Variants in ITPR2 observed in about 807,000 individuals in gnomAD.
ITPR2 encodes inositol 1,4,5-trisphosphate-gated calcium channel ITPR2.
A neutral mutation model predicts 317.1 loss-of-function variants in ITPR2; 207 were observed. That is an observed-to-expected ratio of 0.65 (90% confidence interval 0.58 to 0.73). The LOEUF is 0.73. Ranked by LOEUF, ITPR2 falls within the 30% of genes least tolerant of loss-of-function variation. ITPR2 has a pLI of 0.00. For missense variants in ITPR2, 2,613 were observed against 3,284.0 expected (o/e 0.80, Z 4.99); for synonymous variants, 1,156 against 1,149.1 (o/e 1.01, Z -0.12).
intron 24 of ITPR2, among the ~76,000 whole-genome samples, chr12:26,622,937 C>G (rs1349927174): frequency 2.0e-5 from 3 of 152,180 alleles, no homozygotes; most frequent in African/African-American, 7.2e-5. Flanking sequence ...AAATCATATA[C>G]TGGTTCATTT....
chr12:26,398,052 G>T (rs1940053510), intron 54 of ITPR2, among the ~76,000 whole-genome samples: 1 of 142,836 alleles, frequency 7.0e-6, no homozygotes, highest in Admixed American at 7.1e-5. Context: ...GAAGGGGAGG[G>T]GAGTGGTGTG....
chr12:26,754,479 A>G (rs1448255193), intron 2 of ITPR2, among the ~76,000 whole-genome samples: 1 of 152,252 alleles, frequency 6.6e-6, no homozygotes, highest in Admixed American at 6.5e-5. Context: ...AAAAGTTGCT[A>G]AGAGTTAACA....
chr12:26,487,923 C>T (rs1209847053), intron 39 of ITPR2, among the ~76,000 whole-genome samples: 1 of 152,046 alleles, frequency 6.6e-6, no homozygotes, highest in Non-Finnish European at 1.5e-5. Context: ...GACAAATCCA[C>T]CTTAAAATAA....
chr12:26,368,040 A>C (rs903435699), intron 55 of ITPR2, among the ~76,000 whole-genome samples: 2 of 152,212 alleles, frequency 1.3e-5, no homozygotes, highest in African/African-American at 4.8e-5. Flanking sequence ...TCTGCAAAGT[A>C]GTTTATTTGA....
intron 45 of ITPR2, among the ~76,000 whole-genome samples, chr12:26,447,911 A>C (rs982873534): frequency 6.6e-6 from 1 of 151,820 alleles, no homozygotes; most frequent in Non-Finnish European, 1.5e-5. Flanking sequence ...CTGCCAACCA[A>C]AGATATTCGA....
chr12:26,507,853 C>G (rs1274236025), intron 37 of ITPR2, among the ~76,000 whole-genome samples: 5 of 107,436 alleles, frequency 4.7e-5, no homozygotes, highest in Non-Finnish European at 8.9e-5. Flanking sequence ...CTACTCTTCT[C>G]TCTCTGTCTC....
chr12:26,728,991 G>T (rs1189125442), intron 2 of ITPR2, among the ~76,000 whole-genome samples: 1 of 152,122 alleles, frequency 6.6e-6, no homozygotes, highest in Non-Finnish European at 1.5e-5. Context: ...CCATTCTGTA[G>T]GTTGTCTGTT....
intron 1 of ITPR2, among the ~76,000 whole-genome samples, chr12:26,814,742 G>A (rs1042734178): frequency 2.0e-5 from 3 of 152,116 alleles, no homozygotes; most frequent in African/African-American, 7.2e-5. Context: ...CCAATAAACA[G>A]TAAAATCTCC....
At chr12:26,458,402 T>G (rs566066152) in intron 45 of ITPR2, among the ~76,000 whole-genome samples, 1 of 152,070 alleles carries the variant, frequency 6.6e-6, no homozygotes, top group African/African-American at 2.4e-5. Flanking sequence ...CCCTGCAACA[T>G]AGCACACTCA....
chr12:26,656,113 T>G (rs1947363259), intron 19 of ITPR2, among the ~76,000 whole-genome samples, 184 bp downstream of exon 19: 1 of 152,194 alleles, frequency 6.6e-6, no homozygotes, highest in Non-Finnish European at 1.5e-5. Flanking sequence ...GAAAGTGCCT[T>G]TATTACCACT....
At chr12:26,832,101 C>T (rs1260082944) in intron 1 of ITPR2, among the ~76,000 whole-genome samples, 2 of 152,040 alleles carry the variant, frequency 1.3e-5, no homozygotes, top group South Asian at 4.1e-4. Flanking sequence ...GCAGATGCCC[C>T]TAGGGCTGCC....
chr12:26,667,890 G>A, intron 13 of ITPR2, among the ~76,000 whole-genome samples: 1 of 138,430 alleles, frequency 7.2e-6, no homozygotes, highest in Non-Finnish European at 1.6e-5. Flanking sequence ...GAATGATGAC[G>A]ACGAACATTA....
In ITPR2 at chr12:26,696,221, T is replaced by C. The variant is rs796936308; in HGVS notation, c.952-571A>G. Reference sequence around the variant, plus strand: ...AAAGATGAGTTCTGGATGTGCTGAGTACAGACCCTTGCATCATCTGGCTGG... The same window carrying C: ...AAAGATGAGTTCTGGATGTGCTGAGCACAGACCCTTGCATCATCTGGCTGG... On this transcript the variant is annotated intron_variant, in intron 9 of 56. Transcript: ENST00000381340. Among the ~76,000 whole-genome samples the C allele has an allele frequency of 1.8e-4, 27 of 152,228 alleles. 1 individual carries two copies. The highest frequency in any genetic ancestry group is 6.5e-4 in the African/African-American group (27 of 41,544).
intron 4 of ITPR2, among the ~76,000 whole-genome samples, chr12:26,723,985 T>C (rs961344073): frequency 1.1e-4 from 16 of 152,190 alleles, no homozygotes; most frequent in Non-Finnish European, 1.8e-4. Context: ...CTTTACAACA[T>C]GGTTTTTATA....
chr12:26,718,711 G>A (rs1948784599), intron 5 of ITPR2, among the ~76,000 whole-genome samples: 1 of 151,982 alleles, frequency 6.6e-6, no homozygotes, highest in South Asian at 2.1e-4. Flanking sequence ...CCAGGTTCAA[G>A]CGATTCTCTT....
intron 35 of ITPR2, among the ~76,000 whole-genome samples, chr12:26,557,564 A>G (rs1320394796): frequency 6.6e-6 from 1 of 152,178 alleles, no homozygotes; most frequent in Non-Finnish European, 1.5e-5. Context: ...GAAATCTGAG[A>G]CAGCCCTCGT....
At chr12:26,557,456 C>A (rs1944694175) in intron 35 of ITPR2, among the ~76,000 whole-genome samples, 1 of 152,194 alleles carries the variant, frequency 6.6e-6, no homozygotes, top group African/African-American at 2.4e-5. Context: ...AATGAGACAT[C>A]AGGTGAAGTC....
intron 23 of ITPR2, among the ~76,000 whole-genome samples, chr12:26,624,785 A>AC (rs1490925119): frequency 1.3e-5 from 2 of 152,064 alleles, no homozygotes; most frequent in African/African-American, 4.8e-5. Context: ...TCAAAAAAAA[A>AC]AAAAAACTAA....
chr12:26,379,205 T>C (rs1939432168), intron 55 of ITPR2, among the ~76,000 whole-genome samples: 1 of 152,182 alleles, frequency 6.6e-6, no homozygotes, highest in African/African-American at 2.4e-5. Context: ...ATGTGTACAA[T>C]GGGGATAATA....
Sources: allele counts gnomAD v4.1 joint callset (sites outside exome capture counted in the v4.1 genomes callset), GRCh38; gene constraint gnomAD v4.1.1; transcripts MANE v1.5; gene names NCBI Gene and HGNC (gene_info 2026-07-23, HGNC 2026-07-21).